The following GSK3B variants were observed in gnomAD, a reference collection of about 807,000 sequenced individuals.
GSK3B encodes the protein glycogen synthase kinase 3 beta, also known as glycogen synthase kinase-3 beta.
In GSK3B, 15 loss-of-function variants were observed where a neutral mutation model predicts 56.4. The ratio of observed to expected loss-of-function variants is 0.27; its 90% CI spans 0.18 to 0.41. The LOEUF (loss-of-function observed/expected upper bound fraction) is 0.41. Among genes scored for constraint, GSK3B ranks in the 10% least tolerant of loss-of-function variants. The pLI is 1.00. For missense variants in GSK3B, 300 were observed against 513.4 expected (o/e 0.58, Z 4.02); for synonymous variants, 181 against 188.9 (o/e 0.96, Z 0.34).
intron 2 of GSK3B, among the ~76,000 whole-genome samples, chr3:119,954,613 A>T (rs2057194218): frequency 6.6e-6 from 1 of 152,208 alleles, no homozygotes; most frequent in Non-Finnish European, 1.5e-5. Context: ...AAACAAAATG[A>T]CTACCCAAGA....
At chr3:119,958,206 G>C (rs1028028567) in intron 2 of GSK3B, among the ~76,000 whole-genome samples, 14 of 151,934 alleles carry the variant, frequency 9.2e-5, no homozygotes, top group Non-Finnish European at 1.3e-4. Context: ...TTTCCCTTTC[G>C]CCATGACTGT....
At chr3:120,008,849 A>G (rs1476300733) in intron 1 of GSK3B, among the ~76,000 whole-genome samples, 2 of 152,242 alleles carry the variant, frequency 1.3e-5, no homozygotes, top group Non-Finnish European at 2.9e-5. Context: ...AAAAGCCAAA[A>G]TTGATAAATA....
chr3:120,030,781 C>A (rs1359314010), intron 1 of GSK3B, among the ~76,000 whole-genome samples: 3 of 152,190 alleles, frequency 2.0e-5, no homozygotes, highest in Non-Finnish European at 4.4e-5. Flanking sequence ...CAGTTCTTTT[C>A]CTTCAAAGCA....
At chr3:119,957,805 T>G (rs1455973027) in intron 2 of GSK3B, among the ~76,000 whole-genome samples, 1 of 152,196 alleles carries the variant, frequency 6.6e-6, no homozygotes, top group African/African-American at 2.4e-5. Context: ...GTGTGTCAGA[T>G]TCCATGCTCT....
At chr3:119,901,777 A>T (rs1014235725) in intron 7 of GSK3B, among the ~76,000 whole-genome samples, 4 of 152,214 alleles carry the variant, frequency 2.6e-5, no homozygotes, top group Admixed American at 2.6e-4. Context: ...AATAAAAAAA[A>T]GTCCCTGCTC....
At chr3:119,842,079 G>C (rs2055779333) in intron 10 of GSK3B, among the ~76,000 whole-genome samples, 1 of 152,016 alleles carries the variant, frequency 6.6e-6, no homozygotes. Context: ...GCTTTTTGGA[G>C]AGAGAGAGAA....
chr3:120,004,898 AG>A (rs2107487050), intron 1 of GSK3B, among the ~76,000 whole-genome samples: 1 of 152,322 alleles, frequency 6.6e-6, no homozygotes, highest in South Asian at 2.1e-4. Context: ...CTCGCCAGCA[AG>A]GGAACAAAAC....
At chr3:120,015,649 CAAAAAAAAAAAAAAAA>C (rs61520236) in intron 1 of GSK3B, among the ~76,000 whole-genome samples, 681 of 46,988 alleles carry the variant, frequency 0.014, 14 homozygotes, top group African/African-American at 0.045. Flanking sequence ...GACTCTGTCT[CAAAAAAAAAAAAAAAA>C]AAAAAAAAAA....
At chr3:120,045,943 T>C (rs1438858396) in intron 1 of GSK3B, among the ~76,000 whole-genome samples, 1 of 152,130 alleles carries the variant, frequency 6.6e-6, no homozygotes, top group African/African-American at 2.4e-5. Flanking sequence ...CATAAAGGAA[T>C]GTTAAATATA....
chr3:120,041,388 T>C (rs1460144189), intron 1 of GSK3B: 3 of 295,620 alleles, frequency 1.0e-5, no homozygotes, highest in Non-Finnish European at 2.1e-5. Context: ...GAGCACAGGA[T>C]GGAACCCATA....
At chr3:119,957,202 A>G (rs1460516700) in intron 2 of GSK3B, among the ~76,000 whole-genome samples, 1 of 152,224 alleles carries the variant, frequency 6.6e-6, no homozygotes, top group Non-Finnish European at 1.5e-5. Context: ...AACTATAATT[A>G]GTGTGTAAGT....
At chr3:119,851,801 T>C (rs1009696822) in intron 9 of GSK3B, among the ~76,000 whole-genome samples, 1 of 152,246 alleles carries the variant, frequency 6.6e-6, no homozygotes, top group African/African-American at 2.4e-5. Flanking sequence ...TGGTTGTCTA[T>C]ACAGTTAAAA....
chr3:119,996,102 A>T (rs2057615363), intron 2 of GSK3B, among the ~76,000 whole-genome samples: 1 of 152,242 alleles, frequency 6.6e-6, no homozygotes, highest in South Asian at 2.1e-4. Context: ...TATGAAACTA[A>T]TTTTTAAACT....
chr3:119,947,550 T>A (rs535143713), intron 2 of GSK3B, among the ~76,000 whole-genome samples, 199 bp from the exon 3 acceptor site: 1 of 152,210 alleles, frequency 6.6e-6, no homozygotes, highest in African/African-American at 2.4e-5. Context: ...TGCTCTCCAA[T>A]AAGACAAATA....
chr3:119,942,282 A>G (rs987565751), intron 3 of GSK3B, among the ~76,000 whole-genome samples: 4 of 152,160 alleles, frequency 2.6e-5, no homozygotes, highest in Non-Finnish European at 2.9e-5. Flanking sequence ...TTGTGAAGAC[A>G]TAACACAGTT....
Position 120,062,841 on chromosome 3 carries a change from C to T in GSK3B, c.88+30506G>A, listed in dbSNP as rs377211249. 6.6e-5 allele frequency among the ~76,000 whole-genome samples: 10 copies of T among 152,172 alleles called. No individual in the cohort carries two copies. The East Asian group carries it at 1.4e-3, about 21-fold the overall frequency. On this transcript the variant is annotated intron_variant, in intron 1 of 10. Transcript: ENST00000264235. ...CAATAAAAGTTTTCTCAATTTCTTTCGAAACATAAGTTTGAGCCTACAGAG... is the reference window on the plus strand; with the variant it reads ...CAATAAAAGTTTTCTCAATTTCTTTTGAAACATAAGTTTGAGCCTACAGAG...
intron 8 of GSK3B, among the ~76,000 whole-genome samples, chr3:119,869,236 A>AAAAC (rs1553726302): frequency 0.019 from 2,784 of 148,820 alleles, 160 homozygotes; most frequent in African/African-American, 0.066. Flanking sequence ...AAAAAAAAAA[A>AAAAC]AAAAAAAAAA....
intron 1 of GSK3B, among the ~76,000 whole-genome samples, chr3:120,090,230 TA>T (rs55859010): frequency 0.54 from 78,245 of 146,068 alleles, 23,552 homozygotes; most frequent in African/African-American, 0.85. Flanking sequence ...AAGCTGTATA[TA>T]AAAAAAAAAA....
chr3:120,000,853 G>A (rs2057668800), intron 2 of GSK3B, among the ~76,000 whole-genome samples: 1 of 148,882 alleles, frequency 6.7e-6, no homozygotes, highest in Non-Finnish European at 1.5e-5. Flanking sequence ...CGAGAAAAAT[G>A]GATAGTGTTG....
Sources: gnomAD v4.1 joint callset for allele counts (sites outside exome capture counted in the v4.1 genomes callset) on GRCh38, gnomAD v4.1.1 for gene constraint, MANE v1.5 for transcripts, NCBI Gene and HGNC (gene_info 2026-07-23, HGNC 2026-07-21) for gene names.